DROSHA: variants seen among roughly 807,000 people sequenced by gnomAD.
DROSHA encodes ribonuclease 3.
In DROSHA, 56 loss-of-function variants were observed where a neutral mutation model predicts 181.9. The ratio of observed to expected loss-of-function variants is 0.31; its 90% CI spans 0.25 to 0.38. DROSHA has a LOEUF of 0.38. Among genes scored for constraint, DROSHA ranks in the 10% least tolerant of loss-of-function variants. DROSHA has a pLI of 1.00. For synonymous variants in DROSHA, 524 were observed against 591.2 expected (o/e 0.89, Z 1.65); for missense variants, 1,218 against 1,743.5 (o/e 0.70, Z 5.37).
intron 3 of DROSHA, among the ~76,000 whole-genome samples, chr5:31,530,198 G>A (rs1160604912): frequency 1.3e-5 from 2 of 151,948 alleles, no homozygotes; most frequent in Non-Finnish European, 2.9e-5. Context: ...ATAGCTCACT[G>A]CTGTCTCTTA....
At chr5:31,504,391 C>T (rs1002867102) in intron 11 of DROSHA, among the ~76,000 whole-genome samples, 164 bp downstream of exon 11, 10 of 152,124 alleles carry the variant, frequency 6.6e-5, no homozygotes, top group Non-Finnish European at 1.3e-4. Flanking sequence ...CACTGCGCTC[C>T]CAAAACCCAA....
intron 11 of DROSHA, among the ~76,000 whole-genome samples, chr5:31,499,412 C>A (rs767601127): frequency 1.3e-5 from 2 of 152,102 alleles, no homozygotes; most frequent in African/African-American, 4.8e-5. Flanking sequence ...GGAGCTCAAT[C>A]GCCTCTCAAC....
At chr5:31,417,285 G>C (rs969692765) in intron 30 of DROSHA, among the ~76,000 whole-genome samples, 1 of 152,204 alleles carries the variant, frequency 6.6e-6, no homozygotes, top group Non-Finnish European at 1.5e-5. Flanking sequence ...CTGGCATACA[G>C]GCCAATGTGA....
At chr5:31,504,386 C>T (rs1478798852) in intron 11 of DROSHA, among the ~76,000 whole-genome samples, 169 bp downstream of exon 11, 3 of 152,134 alleles carry the variant, frequency 2.0e-5, no homozygotes, top group Non-Finnish European at 4.4e-5. Flanking sequence ...TTCCCCACTG[C>T]GCTCCCAAAA....
At chr5:31,465,995 C>T (rs538071152) in intron 19 of DROSHA, among the ~76,000 whole-genome samples, 187 bp downstream of exon 19, 2 of 152,096 alleles carry the variant, frequency 1.3e-5, no homozygotes, top group South Asian at 4.1e-4. Context: ...GATAAAAAGG[C>T]TCTCTTAAAT....
intron 20 of DROSHA, among the ~76,000 whole-genome samples, chr5:31,457,726 C>T (rs759648330): frequency 5.3e-5 from 8 of 151,926 alleles, no homozygotes; most frequent in Non-Finnish European, 1.2e-4. Flanking sequence ...CCCATCTCTA[C>T]AAAAAATTGA....
chr5:31,473,355 G>A lies in DROSHA; in HGVS notation c.2072-1123C>T, dbSNP rs200866204. ...AAAGAGAGAAAATATCAACATTTCTGTGTGAGCTGTGTTCCTCCATCTGAG... is the reference window on the plus strand; with the variant it reads ...AAAGAGAGAAAATATCAACATTTCTATGTGAGCTGTGTTCCTCCATCTGAG... On this transcript the variant is annotated intron_variant, in intron 16 of 35. Transcript: ENST00000344624. Among the ~76,000 whole-genome samples the A allele has an allele frequency of 8.5e-5, 13 of 152,196 alleles. No homozygotes were observed. In the East Asian group the frequency reaches 2.5e-3, roughly 29 times the overall value.
chr5:31,427,603 T>A lies in DROSHA; in HGVS notation c.3216+1872A>T, dbSNP rs552710492. On this transcript the variant is annotated intron_variant, in intron 27 of 35. Transcript: ENST00000344624. The stretch of plus-strand genomic sequence containing the variant: ...GCCCTTGCCTTGGGACGGCACCCAA[T>A]CCCAAAGTAATCTCTTGCTGCTCCT... Among the ~76,000 whole-genome samples the A allele has an allele frequency of 2.0e-5, 3 of 152,176 alleles. No individual in the cohort carries two copies. In the East Asian group the frequency reaches 5.8e-4, roughly 29 times the overall value.
rs3840333 is a variant in DROSHA, at chr5:31,401,638, CAT to C, written c.3995-78_3995-77del. 10,693 of 956,756 alleles carry C rather than the reference CAT, an allele frequency of 0.011. 796 individuals are homozygous for C. The East Asian group carries it at 0.23, about 21-fold the overall frequency. 59.3% of individuals were successfully genotyped at this position (956,756 alleles called of 1,614,324 possible). A position where few individuals can be genotyped will look rare whatever the true frequency, so the allele number is the denominator to read the frequency against. On this transcript the variant is annotated intron_variant, in intron 35 of 35. Coordinates refer to ENST00000344624, the MANE Select transcript of DROSHA (RefSeq NM_001382508.1). ...TAGTGCAAAGAATAATGCAACTAAA[CAT>C]ATACACATACAAATATACGTGCATA...
At chr5:31,431,208 G>A (rs928136873) in intron 26 of DROSHA, among the ~76,000 whole-genome samples, 7 of 151,996 alleles carry the variant, frequency 4.6e-5, no homozygotes, top group Non-Finnish European at 7.4e-5. Context: ...AGCAACACTG[G>A]AGTCTCTCAG....
In DROSHA at chr5:31,522,146, T is replaced by G. The variant is rs556865153; in HGVS notation, c.855-931A>C. ...TTAGGTATTAAAATAGAAATTGCTT[T>G]CCACTTAAAGATTCCCCTGTTCTAA... On this transcript the variant is annotated intron_variant, in intron 5 of 35. Coordinates refer to ENST00000344624, the MANE Select transcript of DROSHA (RefSeq NM_001382508.1). Among the ~76,000 whole-genome samples the G allele has an allele frequency of 4.6e-5, 7 of 152,294 alleles. No individual in the cohort carries two copies. In the East Asian group the frequency reaches 1.2e-3, roughly 25 times the overall value.
At chr5:31,486,435 T>C in intron 14 of DROSHA, 56 bp downstream of exon 14, 1 of 1,567,622 alleles carries the variant, frequency 6.4e-7, no homozygotes, top group Admixed American at 1.7e-5. Flanking sequence ...AAAATAGTAG[T>C]ATGGAACAAG....
rs193067072 is a variant in DROSHA, at chr5:31,442,047, T to A, written c.2883-4749A>T. On this transcript the variant is annotated intron_variant, in intron 23 of 35. Transcript: ENST00000344624. The stretch of plus-strand genomic sequence containing the variant: ...TATTTTAACTGAAGTCATATTGGCA[T>A]AAGTTTTACCTTAATTTCTTTTATA... Among the ~76,000 whole-genome samples, 6 of 152,342 alleles carry A rather than the reference T, an allele frequency of 3.9e-5. No homozygotes were observed. The East Asian group carries it at 1.2e-3, about 29-fold the overall frequency.
intron 35 of DROSHA, among the ~76,000 whole-genome samples, chr5:31,402,397 C>CAGACAGAG (rs111549708): frequency 2.6e-5 from 4 of 151,818 alleles, no homozygotes; most frequent in African/African-American, 9.7e-5. Flanking sequence ...TTCTGAAAGA[C>CAGACAGAG]AGAGAAGGCA....
At chr5:31,501,586 A>G (rs955695616) in intron 11 of DROSHA, among the ~76,000 whole-genome samples, 4 of 152,108 alleles carry the variant, frequency 2.6e-5, no homozygotes, top group Non-Finnish European at 2.9e-5. Context: ...TCTCCAATTA[A>G]TTCACCTGTC....
At chr5:31,459,920 G>A (rs1205151998) in intron 20 of DROSHA, among the ~76,000 whole-genome samples, 1 of 152,028 alleles carries the variant, frequency 6.6e-6, no homozygotes, top group African/African-American at 2.4e-5. Context: ...AAGTTACAAT[G>A]TCTCCGCATT....
chr5:31,410,820 T>G lies in DROSHA; in HGVS notation c.3593A>C (p.Glu1198Ala). 1 of 1,614,030 alleles carries G rather than the reference T, an allele frequency of 6.2e-7. No individual in the cohort carries two copies. Among genetic ancestry groups the G allele is most frequent in the Non-Finnish European group, 8.5e-7 (1 of 1,179,854 alleles). Reference protein sequence around the residue: ...AKVAEELGMQEYAITNDKTKR... With the variant: ...AKVAEELGMQAYAITNDKTKR... ...GGTCTTGTCGTTGGTTATGGCGTAC[T>G]CCTGCATGCCCAGCTCCTCCGCTAC... The change falls in exon 31 of 36, where the codon GAG (glutamate) becomes GCG (alanine). Residue 1198 changes from glutamate to alanine, a missense_variant. Physicochemically the swap from Glu to Ala is moderately radical, Grantham distance 107. Coordinates refer to ENST00000344624, the MANE Select transcript of DROSHA (RefSeq NM_001382508.1).
At chr5:31,473,805 G>C (rs1474910623) in intron 16 of DROSHA, among the ~76,000 whole-genome samples, 5 of 152,230 alleles carry the variant, frequency 3.3e-5, no homozygotes, top group South Asian at 2.1e-4. Flanking sequence ...AGGTGGAGTG[G>C]AACTGTTGTG....
At chr5:31,467,909 G>C in intron 18 of DROSHA, 30 bp downstream of exon 18, 1 of 1,604,806 alleles carries the variant, frequency 6.2e-7, no homozygotes, top group Non-Finnish European at 8.5e-7. Context: ...AGGTGAAATT[G>C]GCTAAGACAA....
Sources: allele counts gnomAD v4.1 joint callset (sites outside exome capture counted in the v4.1 genomes callset), GRCh38; gene constraint gnomAD v4.1.1; transcripts MANE v1.5; gene names NCBI Gene and HGNC (gene_info 2026-07-23, HGNC 2026-07-21).